BTD: variants seen among roughly 807,000 people sequenced by gnomAD.
The protein encoded by BTD is biotinidase.
In BTD, 13 loss-of-function variants were observed where a neutral mutation model predicts 17.7. That is an observed-to-expected ratio of 0.74 (90% CI 0.48 to 1.17). BTD has a LOEUF of 1.17. Ranked by LOEUF, BTD falls within the 50% of genes most tolerant of loss-of-function variation. The pLI is 0.00. For synonymous variants in BTD, 240 were observed against 245.2 expected (o/e 0.98, Z 0.20); for missense variants, 674 against 650.4 (o/e 1.04, Z -0.39).
intron 1 of BTD, chr3:15,606,354 T>A (rs1436361177): frequency 6.6e-6 from 1 of 152,246 alleles, no homozygotes; most frequent in East Asian, 1.9e-4. Context: ...ACCCTAGCTC[T>A]GTTTTCATGC....
Position 15,651,058 on chromosome 3 carries a change from G to A in BTD, c.*5570G>A, listed in dbSNP as rs1273830660. 6.6e-6 allele frequency among the ~76,000 whole-genome samples: 1 copy of A among 152,184 alleles called. No homozygotes were observed. Among genetic ancestry groups the A allele is most frequent in the African/African-American group, 2.4e-5 (1 of 41,456 alleles). On this transcript the variant is annotated 3_prime_UTR_variant, in exon 4 of 4. Coordinates refer to ENST00000643237, the MANE Select transcript of BTD (RefSeq NM_001370658.1). The stretch of plus-strand genomic sequence containing the variant: ...GCTGGGATTACAGGCGTGAGCCACC[G>A]TACCCGGCCAGGGCTGTGATATTCT...
At chr3:15,668,614 T>C (rs762027477) in intron 3 of BTD, 15 of 152,558 alleles carry the variant, frequency 9.8e-5, no homozygotes, top group Non-Finnish European at 2.1e-4. Flanking sequence ...TAAATACAAC[T>C]CACATCTGTG....
intron 3 of BTD, among the ~76,000 whole-genome samples, chr3:15,675,350 T>C (rs920268636): frequency 6.6e-6 from 1 of 152,184 alleles, no homozygotes; most frequent in Non-Finnish European, 1.5e-5. Context: ...GTAGTTTTGC[T>C]GCAAAAGGGG....
rs1036821303 is a variant in BTD at position 15,651,721 on chromosome 3, G to C, written c.*6233G>C. On this transcript the variant is annotated 3_prime_UTR_variant, in exon 4 of 4. Coordinates refer to ENST00000643237, the MANE Select transcript of BTD (RefSeq NM_001370658.1). ...TCTGGTTGGTGCTATCTAGAAGTCAGTGTTGGGGAGGTCACAGAACAGAAT... is the reference window on the plus strand; with the variant it reads ...TCTGGTTGGTGCTATCTAGAAGTCACTGTTGGGGAGGTCACAGAACAGAAT... 2.6e-5 allele frequency among the ~76,000 whole-genome samples: 4 copies of C among 152,230 alleles called. No individual in the cohort carries two copies. Among genetic ancestry groups the C allele is most frequent in the South Asian group, 4.1e-4 (2 of 4,838 alleles).
chr3:15,638,624 G>A (rs2065421599), intron 2 of BTD, among the ~76,000 whole-genome samples: 1 of 152,208 alleles, frequency 6.6e-6, no homozygotes, highest in African/African-American at 2.4e-5. Context: ...GTTATAAGAG[G>A]TTCCTGAGCA....
At chr3:15,713,827 T>C (rs776716921), downstream of BTD, among the ~76,000 whole-genome samples, 1 of 152,228 alleles carries the variant, frequency 6.6e-6, no homozygotes, top group South Asian at 2.1e-4. Context: ...CTTAAAGCAA[T>C]TGTGTGAATT....
chr3:15,660,975 G>A (rs2065915564), intron 3 of BTD, among the ~76,000 whole-genome samples: 1 of 152,062 alleles, frequency 6.6e-6, no homozygotes, highest in Non-Finnish European at 1.5e-5. Flanking sequence ...TAATGAATGA[G>A]TTCCTCCAAG....
chr3:15,610,991 T>C (rs1265046245), intron 1 of BTD, among the ~76,000 whole-genome samples: 4 of 151,798 alleles, frequency 2.6e-5, no homozygotes, highest in Admixed American at 2.6e-4. Context: ...AAACTCCCAG[T>C]TGAATTTGAA....
downstream of BTD, among the ~76,000 whole-genome samples, chr3:15,656,722 C>A (rs1174177082): frequency 6.6e-6 from 1 of 152,190 alleles, no homozygotes; most frequent in East Asian, 1.9e-4. Context: ...AGGCTAGCCA[C>A]CCCCTCCCAA....
At chr3:15,702,879 G>A (rs2070817771) in intron 3 of BTD, among the ~76,000 whole-genome samples, 1 of 147,360 alleles carries the variant, frequency 6.8e-6, no homozygotes, top group African/African-American at 2.5e-5. Context: ...AACCTTTATA[G>A]GAAGATTAGG....
At chr3:15,712,225 A>G (rs2072396624) in exon 4 of BTD, 2 of 1,572,454 alleles carry the variant, frequency 1.3e-6, no homozygotes, top group Non-Finnish European at 1.7e-6. Context: ...TGCCACGCCT[A>G]AAGTTAATAG....
chr3:15,690,801 C>T lies in BTD; in HGVS notation c.400-19259C>T, dbSNP rs532843282. ...CCGGGCTGGTCTCAAAATTCCTGGC[C>T]TCAAGTCATCCTCCTACCTTGGTCT... is the stretch of plus-strand genomic sequence containing the variant. On this transcript the variant is annotated intron_variant, in intron 3 of 3. Transcript: ENST00000672141. Among the ~76,000 whole-genome samples the T allele has an allele frequency of 5.3e-5, 8 of 152,206 alleles. No homozygotes were observed. In the South Asian group the frequency reaches 1.7e-3, roughly 32 times the overall value.
intron 3 of BTD, chr3:15,686,409 T>G: frequency 1.1e-6 from 1 of 924,842 alleles, no homozygotes; most frequent in Non-Finnish European, 1.7e-6. Flanking sequence ...TTTGGGATAG[T>G]TGCACTGAAT....
At chr3:15,617,739 A>G (rs903618758) in intron 1 of BTD, among the ~76,000 whole-genome samples, 12 of 152,218 alleles carry the variant, frequency 7.9e-5, no homozygotes, top group African/African-American at 1.7e-4. Context: ...AAATAAATAA[A>G]TAAGACCAGT....
intron 1 of BTD, among the ~76,000 whole-genome samples, chr3:15,614,875 G>A (rs1238112263): frequency 2.0e-5 from 3 of 152,094 alleles, no homozygotes; most frequent in Non-Finnish European, 4.4e-5. Flanking sequence ...GGGATTACAG[G>A]CATGAGCCAC....
chr3:15,670,242 C>T, intron 3 of BTD: 2 of 1,604,146 alleles, frequency 1.2e-6, no homozygotes, highest in Non-Finnish European at 1.7e-6. Flanking sequence ...TGAAGCTTTA[C>T]TGTGAGAACT....
chr3:15,682,006 T>C (rs1328207970), intron 3 of BTD, among the ~76,000 whole-genome samples: 2 of 152,074 alleles, frequency 1.3e-5, no homozygotes, highest in Non-Finnish European at 2.9e-5. Flanking sequence ...AGTTGTCCAT[T>C]GTTGACTTAA....
chr3:15,713,689 G>A, downstream of BTD: 2 of 1,238,640 alleles, frequency 1.6e-6, no homozygotes, highest in Non-Finnish European at 2.3e-6. Flanking sequence ...TAAAGATCAG[G>A]TCAAACGTAC....
At chr3:15,721,195 T>C in intron 4 of BTD, 1 of 1,363,628 alleles carries the variant, frequency 7.3e-7, no homozygotes, top group Non-Finnish European at 1.0e-6. Context: ...TGAGCTATTT[T>C]AGCAACCTGT....
Sources: allele counts gnomAD v4.1 joint callset (sites outside exome capture counted in the v4.1 genomes callset), GRCh38; gene constraint gnomAD v4.1.1; transcripts MANE v1.5; gene names NCBI Gene and HGNC (gene_info 2026-07-23, HGNC 2026-07-21).